Variants in GPATCH2 observed in about 807,000 individuals in gnomAD.
GPATCH2 encodes the protein G-patch domain containing 2, also known as G patch domain-containing protein 2.
A neutral mutation model predicts 58.0 loss-of-function variants in GPATCH2; 51 were observed. That is an observed-to-expected ratio of 0.88 (90% CI 0.70 to 1.11). The LOEUF is 1.11. Ranked by LOEUF, GPATCH2 falls within the 50% of genes most tolerant of loss-of-function variation. The pLI is 0.00. For missense variants in GPATCH2, 625 were observed against 652.2 expected, an observed-to-expected ratio of 0.96 and a Z score of 0.45; for synonymous variants, 222 against 218.5, an observed-to-expected ratio of 1.02 and a Z score of -0.14.
chr1:217,500,514 A>C (rs551945622), intron 6 of GPATCH2, among the ~76,000 whole-genome samples: 15 of 151,960 alleles, frequency 9.9e-5, no homozygotes, highest in Non-Finnish European at 2.1e-4. Context: ...TGAGAAGCGT[A>C]TTGTTTGAGT....
chr1:217,569,586 T>G (rs551083552), intron 5 of GPATCH2, among the ~76,000 whole-genome samples: 28 of 151,990 alleles, frequency 1.8e-4, no homozygotes, highest in Non-Finnish European at 3.5e-4. Context: ...TCCCAGCTAC[T>G]CGGGAGGCTG....
intron 6 of GPATCH2, among the ~76,000 whole-genome samples, chr1:217,501,603 G>A (rs1042414358): frequency 6.6e-6 from 1 of 151,982 alleles, no homozygotes; most frequent in Admixed American, 6.6e-5. Flanking sequence ...ATTGGCATTC[G>A]ATGCTGTCAC....
rs1463910405 is a variant in GPATCH2 at position 217,584,344 on chromosome 1, A to AAAAAAAAAAATATATATATAT, written c.1098+25976_1098+25977insATATATATATATTTTTTTTTT. ...CTCACCTCTACTAAAAAAAAAAAAAAATATATATATATATATATATACACA... is the reference window on the plus strand; with the variant it reads ...CTCACCTCTACTAAAAAAAAAAAAAAAAAAAAAAAATATATATATATATATATATATATATATATATACACA... On this transcript the variant is annotated intron_variant, in intron 5 of 9. Transcript: ENST00000366935. 1.3e-3 allele frequency among the ~76,000 whole-genome samples: 133 copies of AAAAAAAAAAATATATATATAT among 101,566 alleles called. 1 individual carries two copies. Among genetic ancestry groups the AAAAAAAAAAATATATATATAT allele is most frequent in the Middle Eastern group, 5.0e-3 (1 of 202 alleles). 66.6% of individuals were successfully genotyped at this position (101,566 alleles called of 152,430 possible).
chr1:217,571,395 C>G (rs559884656), intron 5 of GPATCH2, among the ~76,000 whole-genome samples: 5 of 152,114 alleles, frequency 3.3e-5, no homozygotes, highest in South Asian at 2.1e-4. Flanking sequence ...TTCCCCTCCC[C>G]CAAAATGAAG....
At chr1:217,434,229 G>T (rs181124514) in intron 9 of GPATCH2, among the ~76,000 whole-genome samples, 1 of 152,244 alleles carries the variant, frequency 6.6e-6, no homozygotes, top group East Asian at 1.9e-4. Context: ...ACTTGAGAAG[G>T]GCAAAATGCA....
At position 217,486,885 on chromosome 1, in the gene GPATCH2, C is replaced by T. The variant is rs1327570208; in HGVS notation, c.1277+4795G>A. 3.3e-5 allele frequency among the ~76,000 whole-genome samples: 5 copies of T among 152,278 alleles called. No individual in the cohort carries two copies. The East Asian group carries it at 7.7e-4, about 24-fold the overall frequency. ...TCAGCACTGGGTTTTAGAGGGGCTG[C>T]AGCAAGGACATGATAATCTTTCACC... is the stretch of plus-strand genomic sequence containing the variant. On this transcript the variant is annotated intron_variant, in intron 8 of 9. Transcript: ENST00000366935.
At chr1:217,601,698 C>A (rs575802717) in intron 5 of GPATCH2, among the ~76,000 whole-genome samples, 28 of 152,230 alleles carry the variant, frequency 1.8e-4, no homozygotes, top group Admixed American at 1.8e-3. Flanking sequence ...CTGTCCAAGG[C>A]TGTCCAAGGC....
intron 5 of GPATCH2, among the ~76,000 whole-genome samples, chr1:217,587,805 C>T (rs74142487): frequency 0.016 from 2,419 of 152,000 alleles, 58 homozygotes; most frequent in African/African-American, 0.054. Flanking sequence ...TTCAGTAGGA[C>T]GACTAAAATA....
intron 5 of GPATCH2, among the ~76,000 whole-genome samples, chr1:217,591,918 A>T (rs1376065445): frequency 1.3e-5 from 2 of 152,046 alleles, no homozygotes; most frequent in African/African-American, 2.4e-5. Context: ...ACAGCTAGCT[A>T]AATGTATTAA....
At chr1:217,483,348 CTAA>C (rs1239997039) in intron 8 of GPATCH2, among the ~76,000 whole-genome samples, 3 of 148,668 alleles carry the variant, frequency 2.0e-5, no homozygotes, top group African/African-American at 7.9e-5. Context: ...CCATGCCTGA[CTAA>C]TATTTTTACT....
intron 5 of GPATCH2, chr1:217,609,088 T>A: frequency 1.2e-6 from 1 of 801,378 alleles, no homozygotes. Flanking sequence ...TTAAATCACA[T>A]TGTTTTTCAT....
rs771122400 is a variant in GPATCH2, at chr1:217,619,840, T to C, written c.716A>G (p.Asn239Ser). ...CTCTTCACATTCCATTTTGTCCTTA[T>C]TGGTCTGGTTCGTTTCCTCACTTTC... ...VLESEETNQT[N>S]KDKMECEEQK... The change falls in exon 2 of 10, where the codon AAT (asparagine) becomes AGT (serine). Residue 239 changes from asparagine to serine, a missense_variant. Physicochemically the swap from Asn to Ser is conservative, Grantham distance 46. Coordinates refer to ENST00000366935, the MANE Select transcript of GPATCH2 (RefSeq NM_018040.5). The C allele has an allele frequency of 3.1e-6, 5 of 1,613,144 alleles. No individual in the cohort carries two copies. Among genetic ancestry groups the C allele is most frequent in the South Asian group, 1.1e-5 (1 of 90,984 alleles).
chr1:217,608,064 GATT>G (rs1183806603), intron 5 of GPATCH2: 1 of 157,168 alleles, frequency 6.4e-6, no homozygotes, highest in African/African-American at 2.4e-5. Flanking sequence ...TGTTTTGTGA[GATT>G]ATGATTTTTA....
At chr1:217,537,181 C>T (rs145339948) in intron 5 of GPATCH2, among the ~76,000 whole-genome samples, 1 of 151,508 alleles carries the variant, frequency 6.6e-6, no homozygotes, top group Non-Finnish European at 1.5e-5. Context: ...GAGTCCTTTT[C>T]GGTTTATTCC....
intron 5 of GPATCH2, among the ~76,000 whole-genome samples, chr1:217,593,204 A>T (rs1667670735): frequency 6.6e-6 from 1 of 152,058 alleles, no homozygotes; most frequent in East Asian, 1.9e-4. Flanking sequence ...GAATCAAAAG[A>T]GAAAACATTA....
At chr1:217,522,875 T>C (rs1225196851) in intron 5 of GPATCH2, among the ~76,000 whole-genome samples, 2 of 151,694 alleles carry the variant, frequency 1.3e-5, no homozygotes, top group Non-Finnish European at 2.9e-5. Flanking sequence ...TAAGTTTATA[T>C]TTAGGCTTGG....
chr1:217,458,280 A>C (rs887107788), intron 8 of GPATCH2, among the ~76,000 whole-genome samples: 3 of 152,260 alleles, frequency 2.0e-5, no homozygotes, highest in South Asian at 2.1e-4. Context: ...TGCTTTATCT[A>C]AAGCCTAGAG....
chr1:217,500,695 G>A lies in GPATCH2; in HGVS notation c.1167-2300C>T, dbSNP rs150414515. Among the ~76,000 whole-genome samples, 1,346 of 152,050 alleles carry A rather than the reference G, an allele frequency of 8.9e-3. 7 individuals are homozygous for A. Among genetic ancestry groups the A allele is most frequent in the Middle Eastern group, 0.044 (13 of 294 alleles). ...GAGCATTTTTCATTTACTGTGTTGG[G>A]TGAGACCTTGCAATCTAGAGATCTG... On this transcript the variant is annotated intron_variant, in intron 6 of 9. Transcript: ENST00000366935.
At chr1:217,570,287 AT>A (rs1428808063) in intron 5 of GPATCH2, among the ~76,000 whole-genome samples, 1 of 151,816 alleles carries the variant, frequency 6.6e-6, no homozygotes, top group South Asian at 2.1e-4. Flanking sequence ...AATTTTTTGT[AT>A]TTTTAGTAGA....
Sources: gnomAD v4.1 joint callset for allele counts (sites outside exome capture counted in the v4.1 genomes callset) on GRCh38, gnomAD v4.1.1 for gene constraint, MANE v1.5 for transcripts, NCBI Gene and HGNC (gene_info 2026-07-23, HGNC 2026-07-21) for gene names.